Variants in EIF4G3 observed in about 807,000 individuals in gnomAD.
EIF4G3 encodes the protein eIF-4-gamma 3.
EIF4G3 carries 34 observed loss-of-function variants against 186.4 expected under a neutral mutation model. The ratio of observed to expected loss-of-function variants is 0.18; its 90% confidence interval spans 0.14 to 0.24. EIF4G3 has a LOEUF of 0.24. Among genes scored for constraint, EIF4G3 ranks in the 10% least tolerant of loss-of-function variants. EIF4G3 has a pLI of 1.00. For synonymous variants in EIF4G3, 673 were observed against 679.5 expected (o/e 0.99, Z 0.15); for missense variants, 1,536 against 1,948.5 (o/e 0.79, Z 3.99).
chr1:21,156,017 C>T (rs1467750328), intron 2 of EIF4G3, among the ~76,000 whole-genome samples: 2 of 151,818 alleles, frequency 1.3e-5, no homozygotes, highest in East Asian at 3.9e-4. Flanking sequence ...GTCCCAGCTA[C>T]TCGGGAGGCT....
At chr1:20,854,647 G>A (rs1306714833) in intron 26 of EIF4G3, among the ~76,000 whole-genome samples, 1 of 151,652 alleles carries the variant, frequency 6.6e-6, no homozygotes, top group Non-Finnish European at 1.5e-5. Context: ...TGAGGCTGTG[G>A]TGAGTTGTGA....
intron 28 of EIF4G3, among the ~76,000 whole-genome samples, 157 bp from the exon 29 acceptor site, chr1:20,849,687 T>C (rs531989765): frequency 9.2e-5 from 14 of 152,350 alleles, no homozygotes; most frequent in African/African-American, 3.4e-4. Flanking sequence ...TGTTTTAGAA[T>C]AGATTCGCAC....
intron 33 of EIF4G3, among the ~76,000 whole-genome samples, chr1:20,821,717 A>ACTTCCCTATTATGTATACTTCACCAT (rs1167236789): frequency 6.7e-6 from 1 of 149,374 alleles, no homozygotes; most frequent in Non-Finnish European, 1.5e-5. Context: ...TATTATGTAT[A>ACTTCCCTATTATGTATACTTCACCAT]CTTCCCTATT....
chr1:20,815,634 C>T (rs1440351163), intron 34 of EIF4G3, among the ~76,000 whole-genome samples: 1 of 148,360 alleles, frequency 6.7e-6, no homozygotes, highest in East Asian at 2.0e-4. Context: ...GCAGCCACCC[C>T]GTCCGGGAGG....
chr1:20,982,438 A>T, intron 7 of EIF4G3, 30 bp from the exon 8 acceptor site: 1 of 1,520,858 alleles, frequency 6.6e-7, no homozygotes, highest in South Asian at 1.2e-5. Context: ...AAGCAGCAGG[A>T]AACAGAAAGA....
chr1:21,054,196 G>A (rs2094451613), intron 3 of EIF4G3, among the ~76,000 whole-genome samples: 2 of 151,814 alleles, frequency 1.3e-5, no homozygotes, highest in African/African-American at 2.4e-5. Context: ...TCTGAAACAT[G>A]TGCTGTGTCC....
At chr1:20,831,217 C>G (rs559594470) in intron 30 of EIF4G3, among the ~76,000 whole-genome samples, 14 of 151,588 alleles carry the variant, frequency 9.2e-5, no homozygotes, top group Non-Finnish European at 1.3e-4. Context: ...ATTTTATTTA[C>G]TGGGTTTTTG....
intron 16 of EIF4G3, among the ~76,000 whole-genome samples, chr1:20,896,164 T>C (rs2154556104): frequency 1.3e-5 from 2 of 152,026 alleles, no homozygotes; most frequent in East Asian, 1.9e-4. Flanking sequence ...AATAAGGATA[T>C]AAAGAAACAA....
chr1:20,942,179 G>A lies in EIF4G3; in HGVS notation c.975C>T (p.Thr325=), dbSNP rs149478571. 4.3e-6 allele frequency: 7 copies of A among 1,614,010 alleles called. No individual in the cohort carries two copies. The African/African-American group carries it at 9.3e-5, about 22-fold the overall frequency. ...IAELPLPPSP[T]TVSSVARSTI... is the part of the protein sequence containing the mutation. The stretch of plus-strand genomic sequence containing the variant: ...TACTTCGAGCAACAGAAGAAACAGT[G>A]GTAGGTGATGGAGGCAGAGGAAGCT... Residue 325 remains threonine, a synonymous_variant, in exon 14 of 37, where the codon ACC becomes ACT. Coordinates refer to ENST00000602326, the MANE Select transcript of EIF4G3 (RefSeq NM_001391906.1).
chr1:20,819,942 AAGAGAGAGAGAC>A (rs755995886), intron 33 of EIF4G3, among the ~76,000 whole-genome samples: 13 of 152,062 alleles, frequency 8.5e-5, no homozygotes, highest in Non-Finnish European at 1.6e-4. Context: ...GACAGAAAGA[AAGAGAGAGAGAC>A]AGAGAGAGAG....
intron 7 of EIF4G3, among the ~76,000 whole-genome samples, chr1:20,986,886 A>G (rs569381255): frequency 6.6e-6 from 1 of 152,082 alleles, no homozygotes; most frequent in Non-Finnish European, 1.5e-5. Context: ...ACTTCATTTC[A>G]ATCTGTTTTA....
chr1:20,997,297 A>AATT lies in EIF4G3; in HGVS notation c.177+303_177+304insAAT, dbSNP rs78850609. Among the ~76,000 whole-genome samples the AATT allele has an allele frequency of 9.1e-3, 1,393 of 152,258 alleles. 40 individuals are homozygous for AATT. Among genetic ancestry groups the AATT allele is most frequent in the East Asian group, 0.083 (430 of 5,176 alleles). On this transcript the variant is annotated intron_variant, in intron 7 of 36. Coordinates refer to ENST00000602326, the MANE Select transcript of EIF4G3 (RefSeq NM_001391906.1). ...TTTAACTTACTACAAATATCCACAA[A>AATT]ATCTATAAACACTTAGTATCTAAAT...
intron 14 of EIF4G3, among the ~76,000 whole-genome samples, chr1:20,920,792 C>A (rs1185576314): frequency 6.6e-6 from 1 of 151,800 alleles, no homozygotes; most frequent in Non-Finnish European, 1.5e-5. Context: ...GATTTTTACA[C>A]CAACTCTCTT....
intron 20 of EIF4G3, among the ~76,000 whole-genome samples, chr1:20,874,351 TA>T (rs1238742895): frequency 6.6e-6 from 1 of 152,212 alleles, no homozygotes; most frequent in Non-Finnish European, 1.5e-5. Flanking sequence ...GTTTCCTTTT[TA>T]ATAATCGCCA....
chr1:20,986,430 T>C (rs1415916906), intron 7 of EIF4G3, among the ~76,000 whole-genome samples: 1 of 152,196 alleles, frequency 6.6e-6, no homozygotes, highest in South Asian at 2.1e-4. Context: ...TTGAAGCTCA[T>C]ATAGAGGATT....
intron 2 of EIF4G3, among the ~76,000 whole-genome samples, chr1:21,091,946 A>G (rs1478124071): frequency 2.6e-5 from 4 of 152,146 alleles, no homozygotes; most frequent in African/African-American, 9.7e-5. Context: ...AAACAGGGAC[A>G]ATTTGACTTC....
At chr1:21,143,813 G>A (rs1440267426) in intron 2 of EIF4G3, among the ~76,000 whole-genome samples, 9 of 152,046 alleles carry the variant, frequency 5.9e-5, no homozygotes, top group Admixed American at 5.9e-4. Context: ...TCCCAGCTAC[G>A]CAGGAGGCTG....
At chr1:21,132,187 G>T (rs2097165159) in intron 2 of EIF4G3, among the ~76,000 whole-genome samples, 1 of 151,866 alleles carries the variant, frequency 6.6e-6, no homozygotes, top group Non-Finnish European at 1.5e-5. Flanking sequence ...TTGAAATGAG[G>T]TTTAAAAACT....
chr1:20,863,617 T>C (rs1224093140), intron 22 of EIF4G3, among the ~76,000 whole-genome samples: 1 of 151,914 alleles, frequency 6.6e-6, no homozygotes, highest in Non-Finnish European at 1.5e-5. Flanking sequence ...GCTAATTCTG[T>C]ATTTTTAGTA....
Sources: gnomAD v4.1 joint callset for allele counts (sites outside exome capture counted in the v4.1 genomes callset) on GRCh38, gnomAD v4.1.1 for gene constraint, MANE v1.5 for transcripts, NCBI Gene and HGNC (gene_info 2026-07-23, HGNC 2026-07-21) for gene names.